The following AMER3 variants were observed in gnomAD, a reference collection of about 807,000 sequenced individuals.
AMER3 encodes the protein family with sequence similarity 123C.
For synonymous variants in AMER3, 541 were observed against 485.5 expected, an observed-to-expected ratio of 1.11 and a Z score of -1.50; for missense variants, 1,201 against 1,139.4, an observed-to-expected ratio of 1.05 and a Z score of -0.78.
In AMER3 at chr2:130,764,074, G is replaced by T; in HGVS notation, c.2002G>T (p.Asp668Tyr). ...GCCAGGTCACGGAGGTGACACTCTG[G>T]ATGCAGAGCCCATGCTGGCAGGCTG... ...WRPGHGGDTL[D>Y]AEPMLAGCVA... The change falls in exon 2 of 2, where the codon GAT (aspartate) becomes TAT (tyrosine). Residue 668 changes from aspartate (D) to tyrosine (Y), a missense_variant. Asp to Tyr is a radical substitution (Grantham distance 160). Transcript: ENST00000321420. 6.2e-7 allele frequency: 1 copy of T among 1,612,216 alleles called. No individual in the cohort carries two copies.
In AMER3 at chr2:130,762,183, G is replaced by C; in HGVS notation, c.111G>C (p.Trp37Cys). ...VAAAREGTGP[W>C]SVLPGGQQRP... The stretch of plus-strand genomic sequence containing the variant: ...CAGCCAGGGAGGGGACAGGCCCCTG[G>C]TCAGTCCTTCCAGGAGGGCAACAGA... Residue 37 changes from tryptophan to cysteine, a missense_variant, in exon 2 of 2, where the codon TGG becomes TGC. Trp to Cys is a radical substitution (Grantham distance 215). Transcript: ENST00000321420. The C allele has an allele frequency of 1.3e-6, 2 of 1,598,392 alleles. No individual in the cohort carries two copies. Among genetic ancestry groups the C allele is most frequent in the Non-Finnish European group, 1.7e-6 (2 of 1,172,662 alleles).
intron 1 of AMER3, among the ~76,000 whole-genome samples, chr2:130,760,592 C>T (rs1488315058): frequency 1.3e-5 from 2 of 152,132 alleles, no homozygotes; most frequent in African/African-American, 4.8e-5. Flanking sequence ...AGGAGCCAGC[C>T]GCAGTCTCTT....
In AMER3 at chr2:130,763,584, C is replaced by T. The variant is rs1339621129; in HGVS notation, c.1512C>T (p.Ile504=). 4.3e-6 allele frequency: 7 copies of T among 1,610,168 alleles called. No homozygotes were observed. Among genetic ancestry groups the T allele is most frequent in the Non-Finnish European group, 5.1e-6 (6 of 1,179,094 alleles). ...AGCTGTGTGACACTGAGCTCGCCAT[C>T]ACCATGGGCATCGTCAGCTGGCTGC... The part of the protein sequence containing the change: ...LLKLCDTELA[I]TMGIVSWLRR... Residue 504 remains isoleucine, a synonymous_variant, in exon 2 of 2, where the codon ATC becomes ATT. Coordinates refer to ENST00000321420, the MANE Select transcript of AMER3 (RefSeq NM_152698.3).
chr2:130,759,158 T>G (rs1398572488), intron 1 of AMER3, among the ~76,000 whole-genome samples: 3 of 152,244 alleles, frequency 2.0e-5, no homozygotes. Flanking sequence ...TTCCTCATTC[T>G]GTATCCTACA....
Position 130,762,913 on chromosome 2 carries a change from A to G in AMER3, c.841A>G (p.Ser281Gly). Residue 281 changes from serine (S) to glycine (G), a missense_variant, in exon 2 of 2, where the codon AGC (serine) becomes GGC (glycine). Transcript: ENST00000321420. Reference protein sequence around the residue: ...SPTQAAQGLESKVPRGPLQGS... With the variant: ...SPTQAAQGLEGKVPRGPLQGS... ...AACCCAGGCTGCTCAGGGCCTGGAG[A>G]GCAAGGTTCCCAGGGGCCCTCTCCA... 3 of 1,612,720 alleles carry G rather than the reference A, an allele frequency of 1.9e-6. No homozygotes were observed. Among genetic ancestry groups the G allele is most frequent in the Non-Finnish European group, 2.5e-6 (3 of 1,179,612 alleles).
chr2:130,758,073 G>T (rs1028423712), intron 1 of AMER3, among the ~76,000 whole-genome samples: 1 of 152,132 alleles, frequency 6.6e-6, no homozygotes, highest in Non-Finnish European at 1.5e-5. Flanking sequence ...GGTGGAGCTT[G>T]CAGTGAGCCA....
In AMER3 at chr2:130,764,117, C is replaced by G; in HGVS notation, c.2045C>G (p.Ala682Gly). ...MLAGCVARVA[A>G]LKISSNEQPP... Reference sequence around the variant, plus strand: ...GCAGGCTGTGTGGCCCGTGTGGCAGCCCTGAAGATCAGCTCAAACGAACAG... The same window carrying G: ...GCAGGCTGTGTGGCCCGTGTGGCAGGCCTGAAGATCAGCTCAAACGAACAG... The change falls in exon 2 of 2, where the codon GCC becomes GGC. Residue 682 changes from alanine to glycine, a missense_variant. Physicochemically the swap from Ala to Gly is moderately conservative, Grantham distance 60. Coordinates refer to ENST00000321420, the MANE Select transcript of AMER3 (RefSeq NM_152698.3). The G allele has an allele frequency of 6.2e-7, 1 of 1,611,778 alleles. No homozygotes were observed. Among genetic ancestry groups the G allele is most frequent in the Non-Finnish European group, 8.5e-7 (1 of 1,179,336 alleles).
intron 1 of AMER3, 71 bp from the exon 2 acceptor site, chr2:130,761,983 G>A: frequency 7.2e-7 from 1 of 1,397,664 alleles, no homozygotes; most frequent in East Asian, 2.5e-5. Flanking sequence ...TGTGAGAGGG[G>A]TAGGCAGGGT....
Position 130,764,434 on chromosome 2 carries a change from G to T in AMER3, c.2362G>T (p.Gly788Cys). 6.2e-7 allele frequency: 1 copy of T among 1,607,270 alleles called. No homozygotes were observed. The highest frequency in any genetic ancestry group is 8.5e-7 in the Non-Finnish European group (1 of 1,177,436). Residue 788 changes from glycine (G) to cysteine (C), a missense_variant, in exon 2 of 2, where the codon GGC becomes TGC. Coordinates refer to ENST00000321420, the MANE Select transcript of AMER3 (RefSeq NM_152698.3). ...AGAGGCTGTGGAGCAGGTGGCACAC[G>T]GCAGCCAGCTGGACTCTGAGCCCCG... ...STEAVEQVAHGSQLDSEPRSA... is the reference protein window; with the variant it reads ...STEAVEQVAHCSQLDSEPRSA...
In AMER3 at chr2:130,762,403, C is replaced by G. The variant is rs1248021473; in HGVS notation, c.331C>G (p.Leu111Val). ...AGRATAATGQ[L>V]VGSASFPGSP... ...CAGGGCCACGGCTGCCACAGGGCAGCTGGTGGGCAGTGCAAGCTTCCCGGG... is the reference window on the plus strand; with the variant it reads ...CAGGGCCACGGCTGCCACAGGGCAGGTGGTGGGCAGTGCAAGCTTCCCGGG... Residue 111 changes from leucine to valine, a missense_variant, in exon 2 of 2, where the codon CTG becomes GTG. Leu to Val is a conservative substitution (Grantham distance 32). Coordinates refer to ENST00000321420, the MANE Select transcript of AMER3 (RefSeq NM_152698.3). 1 of 1,612,204 alleles carries G rather than the reference C, an allele frequency of 6.2e-7. No individual in the cohort carries two copies.
chr2:130,764,658 G>T lies in AMER3; in HGVS notation c.2586G>T (p.Ter862TyrextTer48). The T allele has an allele frequency of 1.3e-6, 2 of 1,598,288 alleles. No homozygotes were observed. Among genetic ancestry groups the T allele is most frequent in the South Asian group, 1.1e-5 (1 of 89,202 alleles). ...SGPAMAEPHL[*>Y] ...CAGCCATGGCTGAGCCCCATCTGTA[G>T]GACAGGCTCACATGCACCAGGAACT... The change falls in exon 2 of 2, where the codon TAG (stop) becomes TAT (tyrosine). Residue 862 changes from the stop codon to tyrosine, a stop_lost. Coordinates refer to ENST00000321420, the MANE Select transcript of AMER3 (RefSeq NM_152698.3).
chr2:130,764,635 G>T lies in AMER3; in HGVS notation c.2563G>T (p.Ala855Ser). 6.2e-7 allele frequency: 1 copy of T among 1,607,204 alleles called. No individual in the cohort carries two copies. ...GCCAGAAGTGGGGGCCTCTGGGCCAGCCATGGCTGAGCCCCATCTGTAGGA... is the reference window on the plus strand; with the variant it reads ...GCCAGAAGTGGGGGCCTCTGGGCCATCCATGGCTGAGCCCCATCTGTAGGA... ...GQPEVGASGPAMAEPHL is the reference protein window; with the variant it reads ...GQPEVGASGPSMAEPHL The change falls in exon 2 of 2, where the codon GCC becomes TCC. Residue 855 changes from alanine (A) to serine (S), a missense_variant. Coordinates refer to ENST00000321420, the MANE Select transcript of AMER3 (RefSeq NM_152698.3).
Position 130,764,735 on chromosome 2 carries a change from C to G in AMER3, c.*77C>G. On this transcript the variant is annotated 3_prime_UTR_variant, in exon 2 of 2. Transcript: ENST00000321420. The stretch of plus-strand genomic sequence containing the variant: ...GAGAGCCTAGGACTCAAATCTCTAT[C>G]TTTTGTCCCTGATGTGGGGACTGTG... The G allele has an allele frequency of 2.8e-6, 4 of 1,407,242 alleles. No homozygotes were observed. Among genetic ancestry groups the G allele is most frequent in the Non-Finnish European group, 3.8e-6 (4 of 1,054,378 alleles). 87.2% of individuals were successfully genotyped at this position (1,407,242 alleles called of 1,614,324 possible).
At chr2:130,761,203 G>A (rs182035805) in intron 1 of AMER3, among the ~76,000 whole-genome samples, 3 of 152,258 alleles carry the variant, frequency 2.0e-5, no homozygotes, top group East Asian at 3.9e-4. Flanking sequence ...GTGTAGGGCC[G>A]GATGCCCTAA....
At chr2:130,756,921 C>G (rs1032000508) in intron 1 of AMER3, among the ~76,000 whole-genome samples, 1 of 151,666 alleles carries the variant, frequency 6.6e-6, no homozygotes, top group Non-Finnish European at 1.5e-5. Flanking sequence ...CCCCATAGCT[C>G]TACCGCCAGC....
At chr2:130,761,227 G>A (rs980920374) in intron 1 of AMER3, among the ~76,000 whole-genome samples, 15 of 152,196 alleles carry the variant, frequency 9.9e-5, no homozygotes, top group Non-Finnish European at 1.5e-5. Flanking sequence ...GGCCGGGACA[G>A]TCAATTGGCT....
In AMER3 at chr2:130,765,335, T is replaced by G. The variant is rs1011382169; in HGVS notation, c.*677T>G. ...CAAACTATATTCATGAAGAAATAGG[T>G]CAAAATGGGAAATGTATACATGCAT... On this transcript the variant is annotated 3_prime_UTR_variant, in exon 2 of 2. Coordinates refer to ENST00000321420, the MANE Select transcript of AMER3 (RefSeq NM_152698.3). The G allele has an allele frequency of 8.4e-5, 14 of 166,920 alleles. No individual in the cohort carries two copies. Among genetic ancestry groups the G allele is most frequent in the Non-Finnish European group, 1.9e-4 (13 of 68,114 alleles). The allele number at this position is 166,920 out of a possible 1,614,324, so 10.3% of individuals were successfully genotyped here. A position where few individuals can be genotyped will look rare whatever the true frequency, so the allele number is the denominator to read the frequency against.
chr2:130,759,026 C>T (rs1449849187), intron 1 of AMER3, among the ~76,000 whole-genome samples: 3 of 152,212 alleles, frequency 2.0e-5, no homozygotes, highest in South Asian at 4.1e-4. Flanking sequence ...GAGTTCCCAC[C>T]CCCATCATAG....
At position 130,764,005 on chromosome 2, in the gene AMER3, C is replaced by T. The variant is rs548602521; in HGVS notation, c.1933C>T (p.Pro645Ser). 1.2e-6 allele frequency: 2 copies of T among 1,613,126 alleles called. No individual in the cohort carries two copies. The highest frequency in any genetic ancestry group is 1.7e-5 in the Admixed American group (1 of 59,908). The change falls in exon 2 of 2, where the codon CCT becomes TCT. Residue 645 changes from proline (P) to serine (S), a missense_variant. Physicochemically the swap from Pro to Ser is moderately conservative, Grantham distance 74. Coordinates refer to ENST00000321420, the MANE Select transcript of AMER3 (RefSeq NM_152698.3). ...PSTWPCSQKEPGPPGVLGCFR... is the reference protein window; with the variant it reads ...PSTWPCSQKESGPPGVLGCFR... Reference sequence around the variant, plus strand: ...TACCTGGCCCTGCTCCCAGAAGGAGCCTGGGCCACCAGGGGTCCTGGGGTG... The same window carrying T: ...TACCTGGCCCTGCTCCCAGAAGGAGTCTGGGCCACCAGGGGTCCTGGGGTG...
Sources: allele counts gnomAD v4.1 joint callset (sites outside exome capture counted in the v4.1 genomes callset), GRCh38; gene constraint gnomAD v4.1.1; transcripts MANE v1.5; gene names NCBI Gene and HGNC (gene_info 2026-07-23, HGNC 2026-07-21).